Variants in LRP1B observed in about 807,000 individuals in gnomAD.
LRP1B encodes the protein LDL receptor related protein 1B, also known as low-density lipoprotein receptor-related protein 1B.
LRP1B carries 217 observed loss-of-function variants against 556.6 expected under a neutral mutation model. The observed-to-expected ratio is 0.39, with a 90% CI of 0.35 to 0.44. The LOEUF (loss-of-function observed/expected upper bound fraction) is 0.44, where lower values mean the gene tolerates loss of function less well. Ranked by LOEUF, LRP1B falls within the 20% of genes least tolerant of loss-of-function variation. LRP1B has a pLI of 1.00. For missense variants in LRP1B, 5,053 were observed against 5,620.8 expected (o/e 0.90, Z 3.23); for synonymous variants, 2,047 against 1,865.8 (o/e 1.10, Z -2.50).
intron 12 of LRP1B, among the ~76,000 whole-genome samples, chr2:141,018,930 A>T (rs1167121804): frequency 1.3e-5 from 2 of 152,020 alleles, no homozygotes; most frequent in African/African-American, 2.4e-5. Flanking sequence ...CTCGGTTTAT[A>T]AGGGATTCAC....
Position 141,994,938 on chromosome 2 carries a change from G to C in LRP1B, c.82+135710C>G, listed in dbSNP as rs145766993. Among the ~76,000 whole-genome samples, 1,475 of 152,012 alleles carry C rather than the reference G, an allele frequency of 9.7e-3. 24 individuals carry two copies. Among genetic ancestry groups the C allele is most frequent in the African/African-American group, 0.034 (1,423 of 41,460 alleles). ...CTGTGAGCGGTATGAAAGCTGAAGG[G>C]GTATTAGCACATATATAGCACTGAG... is the stretch of plus-strand genomic sequence containing the variant. On this transcript the variant is annotated intron_variant, in intron 1 of 90. Coordinates refer to ENST00000389484, the MANE Select transcript of LRP1B (RefSeq NM_018557.3).
intron 35 of LRP1B, among the ~76,000 whole-genome samples, chr2:140,756,674 A>T (rs996614310): frequency 6.6e-5 from 10 of 152,166 alleles, no homozygotes; most frequent in Non-Finnish European, 1.0e-4. Flanking sequence ...ATTAACTAAA[A>T]GTGGATCATA....
chr2:141,850,016 G>T (rs112146550), intron 1 of LRP1B, among the ~76,000 whole-genome samples: 1 of 151,612 alleles, frequency 6.6e-6, no homozygotes, highest in Admixed American at 6.6e-5. Context: ...GGCAAAATCT[G>T]CATTCCCAAT....
At chr2:141,068,662 G>C (rs767082695) in intron 7 of LRP1B, among the ~76,000 whole-genome samples, 20 of 151,688 alleles carry the variant, frequency 1.3e-4, no homozygotes, top group Non-Finnish European at 2.2e-4. Flanking sequence ...ACCCATGCAA[G>C]TTTACAGTTT....
At chr2:140,678,084 T>C (rs1392000959) in intron 41 of LRP1B, among the ~76,000 whole-genome samples, 1 of 152,084 alleles carries the variant, frequency 6.6e-6, no homozygotes, top group African/African-American at 2.4e-5. Flanking sequence ...ACCCAGGGAA[T>C]CTTATTTTAG....
At chr2:140,385,785 G>A (rs1683732153) in intron 67 of LRP1B, 108 bp downstream of exon 67, 2 of 735,712 alleles carry the variant, frequency 2.7e-6, no homozygotes, top group Admixed American at 4.6e-5. Flanking sequence ...ATAAAAATGT[G>A]AGCCATAAGA....
chr2:142,081,704 C>G (rs780791696), intron 1 of LRP1B, among the ~76,000 whole-genome samples: 11 of 152,080 alleles, frequency 7.2e-5, no homozygotes, highest in Non-Finnish European at 1.5e-5. Flanking sequence ...GTCTCAAATT[C>G]CTGGGCTCAA....
At chr2:140,638,287 C>A (rs1010705734) in intron 41 of LRP1B, among the ~76,000 whole-genome samples, 11 of 152,142 alleles carry the variant, frequency 7.2e-5, no homozygotes, top group Non-Finnish European at 1.2e-4. Flanking sequence ...CCAGTATGGG[C>A]CAGCATTTCT....
At chr2:141,355,483 C>G (rs997080457) in intron 3 of LRP1B, among the ~76,000 whole-genome samples, 4 of 152,040 alleles carry the variant, frequency 2.6e-5, no homozygotes, top group African/African-American at 9.7e-5. Context: ...ACACCCCCAT[C>G]CCCTGGCAAC....
chr2:140,889,459 T>A (rs1693735142), intron 23 of LRP1B, among the ~76,000 whole-genome samples: 1 of 152,028 alleles, frequency 6.6e-6, no homozygotes, highest in African/African-American at 2.4e-5. Flanking sequence ...CCATACCCAG[T>A]TAATTTTTGT....
chr2:140,321,356 T>TTTTG (rs1332005244), intron 82 of LRP1B, among the ~76,000 whole-genome samples: 1 of 150,524 alleles, frequency 6.6e-6, no homozygotes, highest in Non-Finnish European at 1.5e-5. Context: ...ATCTTATCCA[T>TTTTG]TTTGTTTCTG....
At chr2:141,806,548 A>G (rs1477058412) in intron 2 of LRP1B, among the ~76,000 whole-genome samples, 2 of 152,018 alleles carry the variant, frequency 1.3e-5, no homozygotes, top group African/African-American at 2.4e-5. Flanking sequence ...TCCCAACATG[A>G]AATCAGCTTA....
At chr2:140,558,787 A>T (rs1680825345) in intron 43 of LRP1B, among the ~76,000 whole-genome samples, 1 of 151,742 alleles carries the variant, frequency 6.6e-6, no homozygotes, top group Non-Finnish European at 1.5e-5. Context: ...ATACAAAAAA[A>T]AAGCTGGGTG....
chr2:140,646,925 CATAT>C (rs1369272967), intron 41 of LRP1B, among the ~76,000 whole-genome samples: 1 of 151,716 alleles, frequency 6.6e-6, no homozygotes, highest in Non-Finnish European at 1.5e-5. Flanking sequence ...TATTGTATAT[CATAT>C]ATATAAACAT....
intron 20 of LRP1B, among the ~76,000 whole-genome samples, chr2:140,934,062 G>A (rs533995862): frequency 6.6e-6 from 1 of 152,080 alleles, no homozygotes; most frequent in African/African-American, 2.4e-5. Context: ...CAATCTGTGA[G>A]AGAATAAAGT....
chr2:140,979,250 A>C (rs1343178544), intron 18 of LRP1B, among the ~76,000 whole-genome samples: 1 of 152,178 alleles, frequency 6.6e-6, no homozygotes, highest in Non-Finnish European at 1.5e-5. Flanking sequence ...AAGCGCTGGA[A>C]TTACAGGCAT....
intron 3 of LRP1B, among the ~76,000 whole-genome samples, chr2:141,288,908 G>T (rs962292855): frequency 1.3e-5 from 2 of 152,106 alleles, no homozygotes; most frequent in African/African-American, 4.8e-5. Context: ...ATTCCCACTA[G>T]AAAGTGCAGA....
chr2:141,519,040 A>ACCATG (rs113830084), intron 2 of LRP1B, among the ~76,000 whole-genome samples: 4 of 151,986 alleles, frequency 2.6e-5, no homozygotes, highest in African/African-American at 9.7e-5. Flanking sequence ...AACTTGAGAA[A>ACCATG]ATCGCTTTAA....
chr2:141,623,953 T>G (rs1032502381), intron 2 of LRP1B, among the ~76,000 whole-genome samples: 1 of 140,898 alleles, frequency 7.1e-6, no homozygotes, highest in African/African-American at 2.6e-5. Context: ...AGGCAGAGGT[T>G]GCAGTGAGCC....
Sources: gnomAD v4.1 joint callset for allele counts (sites outside exome capture counted in the v4.1 genomes callset) on GRCh38, gnomAD v4.1.1 for gene constraint, MANE v1.5 for transcripts, NCBI Gene and HGNC (gene_info 2026-07-23, HGNC 2026-07-21) for gene names.